The following RIT2 variants were observed in gnomAD, a reference collection of about 807,000 sequenced individuals.
The protein encoded by RIT2 is GTP-binding protein Rit2.
Under a neutral mutation model 23.7 loss-of-function variants are expected in RIT2, and 24 were observed. That is an observed-to-expected ratio of 1.01 (90% confidence interval 0.73 to 1.43). The LOEUF (loss-of-function observed/expected upper bound fraction) is 1.43. Ranked by LOEUF, RIT2 falls within the 40% of genes most tolerant of loss-of-function variation. RIT2 has a pLI of 0.00. For missense variants in RIT2, 236 were observed against 266.9 expected, an observed-to-expected ratio of 0.88 and a Z score of 0.81; for synonymous variants, 107 against 91.1, an observed-to-expected ratio of 1.17 and a Z score of -0.99.
At chr18:43,098,939 T>C (rs887913303) in intron 1 of RIT2, among the ~76,000 whole-genome samples, 2 of 151,988 alleles carry the variant, frequency 1.3e-5, no homozygotes, top group African/African-American at 4.8e-5. Flanking sequence ...TGGGATGACA[T>C]AGAGAAACAG....
chr18:42,943,159 TC>T (rs1909645044), intron 3 of RIT2, among the ~76,000 whole-genome samples: 2 of 152,090 alleles, frequency 1.3e-5, no homozygotes, highest in African/African-American at 2.4e-5. Context: ...CCCTTATTTG[TC>T]CCCGCCCATG....
At chr18:42,873,306 T>C (rs918197951) in intron 4 of RIT2, among the ~76,000 whole-genome samples, 12 of 152,156 alleles carry the variant, frequency 7.9e-5, no homozygotes, top group African/African-American at 2.4e-4. Context: ...GACAGAAGCC[T>C]TTATATAGTG....
intron 4 of RIT2, among the ~76,000 whole-genome samples, chr18:42,872,187 G>C (rs894576871): frequency 1.1e-4 from 17 of 152,114 alleles, no homozygotes; most frequent in Non-Finnish European, 2.9e-5. Context: ...ACAAGTGACA[G>C]GAAACCCTCT....
chr18:42,744,009 T>C (rs1212149332), intron 4 of RIT2, among the ~76,000 whole-genome samples: 1 of 152,176 alleles, frequency 6.6e-6, no homozygotes, highest in East Asian at 1.9e-4. Flanking sequence ...GTGAAAATGG[T>C]CGGTCCTTGC....
At position 42,779,265 on chromosome 18, in the gene RIT2, A is replaced by G. The variant is rs558700551; in HGVS notation, c.427-35545T>C. ...AGATGTAAATCTTCAACGCAGGAATATTTTTTTTCAAGAACTTGTGAGCCA... is the reference window on the plus strand; with the variant it reads ...AGATGTAAATCTTCAACGCAGGAATGTTTTTTTTCAAGAACTTGTGAGCCA... On this transcript the variant is annotated intron_variant, in intron 4 of 4. Transcript: ENST00000326695. 1.4e-4 allele frequency among the ~76,000 whole-genome samples: 21 copies of G among 151,802 alleles called. 1 individual carries two copies. Among genetic ancestry groups the G allele is most frequent in the South Asian group, 1.0e-3 (5 of 4,812 alleles).
chr18:42,993,749 G>T (rs1037103934), intron 2 of RIT2, among the ~76,000 whole-genome samples: 2 of 151,666 alleles, frequency 1.3e-5, no homozygotes, highest in African/African-American at 4.9e-5. Flanking sequence ...TCCTCCCCTT[G>T]TATCTCCCCA....
intron 2 of RIT2, among the ~76,000 whole-genome samples, chr18:43,001,761 T>C (rs1911113379): frequency 6.6e-6 from 1 of 152,042 alleles, no homozygotes. Flanking sequence ...ACCCTCTAAC[T>C]GTACTTTCTA....
intron 1 of RIT2, among the ~76,000 whole-genome samples, chr18:43,097,151 G>C (rs951668585): frequency 1.6e-4 from 24 of 151,832 alleles, no homozygotes; most frequent in African/African-American, 5.8e-4. Context: ...TAATTATATG[G>C]GGAGGTTTGA....
At chr18:42,981,456 T>C (rs1448858624) in intron 2 of RIT2, among the ~76,000 whole-genome samples, 2 of 152,138 alleles carry the variant, frequency 1.3e-5, no homozygotes, top group African/African-American at 2.4e-5. Flanking sequence ...ATTGAGAAAC[T>C]ATGAGAATAT....
chr18:42,933,878 C>T lies in RIT2; in HGVS notation c.235-10115G>A, dbSNP rs557843533. On this transcript the variant is annotated intron_variant, in intron 3 of 4. Coordinates refer to ENST00000326695, the MANE Select transcript of RIT2 (RefSeq NM_002930.4). ...ACTAAAAATACAACAATTAGCTGGG[C>T]GTGGTGATGCATGCCTGTAATCCCA... Among the ~76,000 whole-genome samples, 34 of 151,778 alleles carry T rather than the reference C, an allele frequency of 2.2e-4. No individual in the cohort carries two copies. In the South Asian group the frequency reaches 3.7e-3, roughly 17 times the overall value.
chr18:42,852,200 A>G (rs140294675), intron 4 of RIT2, among the ~76,000 whole-genome samples: 257 of 152,378 alleles, frequency 1.7e-3, no homozygotes, highest in African/African-American at 6.0e-3. Context: ...GTAGCAGATT[A>G]TGATATAATT....
chr18:42,995,358 CAG>C (rs1910956374), intron 2 of RIT2, among the ~76,000 whole-genome samples: 2 of 152,036 alleles, frequency 1.3e-5, no homozygotes, highest in Admixed American at 1.3e-4. Context: ...TGCCCTGAGT[CAG>C]ATAACTAAAG....
chr18:43,009,961 A>G (rs1911314886), intron 2 of RIT2, among the ~76,000 whole-genome samples: 2 of 151,382 alleles, frequency 1.3e-5, no homozygotes, highest in Admixed American at 1.3e-4. Context: ...GACTCAATTA[A>G]CTCTCCCAGC....
chr18:42,827,252 T>C (rs1906322323), intron 4 of RIT2, among the ~76,000 whole-genome samples: 2 of 152,176 alleles, frequency 1.3e-5, no homozygotes, highest in South Asian at 4.1e-4. Flanking sequence ...AAAAGAAGAA[T>C]GTTAATAAAC....
At chr18:42,880,137 G>A (rs1210906155) in intron 4 of RIT2, among the ~76,000 whole-genome samples, 1 of 152,080 alleles carries the variant, frequency 6.6e-6, no homozygotes, top group South Asian at 2.1e-4. Flanking sequence ...ACCTGGGAGA[G>A]GGATAATAGT....
intron 4 of RIT2, among the ~76,000 whole-genome samples, chr18:42,910,066 A>C (rs549766115): frequency 6.6e-6 from 1 of 152,268 alleles, no homozygotes; most frequent in South Asian, 2.1e-4. Flanking sequence ...CCAGCAGGCA[A>C]CTACTAAGAA....
At chr18:42,960,857 G>A (rs534802081) in intron 3 of RIT2, among the ~76,000 whole-genome samples, 1 of 152,232 alleles carries the variant, frequency 6.6e-6, no homozygotes, top group East Asian at 1.9e-4. Flanking sequence ...CCTCAAGATA[G>A]GGGAAAAATT....
At chr18:42,877,869 T>G in intron 4 of RIT2, among the ~76,000 whole-genome samples, 1 of 151,798 alleles carries the variant, frequency 6.6e-6, no homozygotes, top group Non-Finnish European at 1.5e-5. Context: ...ATAGATAAAT[T>G]TTGGAAATGT....
At chr18:42,967,120 A>C (rs909180530) in intron 3 of RIT2, among the ~76,000 whole-genome samples, 1 of 152,080 alleles carries the variant, frequency 6.6e-6, no homozygotes, top group Non-Finnish European at 1.5e-5. Context: ...ACTTTTTGTG[A>C]AAAATATCAT....
Sources: allele counts gnomAD v4.1 joint callset (sites outside exome capture counted in the v4.1 genomes callset), GRCh38; gene constraint gnomAD v4.1.1; transcripts MANE v1.5; gene names NCBI Gene and HGNC (gene_info 2026-07-23, HGNC 2026-07-21).